The following GULP1 variants were observed in gnomAD, a reference collection of about 807,000 sequenced individuals.
GULP1 encodes GULP PTB domain containing engulfment adaptor 1.
GULP1 carries 19 observed loss-of-function variants against 40.9 expected under a neutral mutation model. The ratio of observed to expected loss-of-function variants is 0.46; its 90% CI spans 0.32 to 0.68. The LOEUF is 0.68. Among genes scored for constraint, GULP1 ranks in the 30% least tolerant of loss-of-function variants. GULP1 has a pLI of 0.03. For synonymous variants in GULP1, 119 were observed against 117.6 expected (o/e 1.01, Z -0.08); for missense variants, 312 against 362.2 (o/e 0.86, Z 1.12).
intron 7 of GULP1, among the ~76,000 whole-genome samples, chr2:188,553,782 G>A (rs1190022813): frequency 3.3e-5 from 5 of 151,942 alleles, no homozygotes; most frequent in Non-Finnish European, 4.4e-5. Context: ...ATCTAGTCCC[G>A]AGCTTTTCTT....
At chr2:188,446,894 C>T (rs542923699) in intron 2 of GULP1, among the ~76,000 whole-genome samples, 2 of 152,138 alleles carry the variant, frequency 1.3e-5, no homozygotes, top group East Asian at 1.9e-4. Context: ...GAGTCAAACT[C>T]TGTAAAATAT....
At chr2:188,486,808 T>C (rs1298525847) in intron 4 of GULP1, among the ~76,000 whole-genome samples, 1 of 151,920 alleles carries the variant, frequency 6.6e-6, no homozygotes, top group Non-Finnish European at 1.5e-5. Context: ...TCTTTTATAT[T>C]ATCCTGTGTA....
intron 1 of GULP1, among the ~76,000 whole-genome samples, chr2:188,380,845 C>T (rs1456172546): frequency 4.6e-5 from 7 of 152,024 alleles, no homozygotes; most frequent in Non-Finnish European, 4.4e-5. Context: ...TTAAGATTTA[C>T]CTGTTACATT....
intron 9 of GULP1, among the ~76,000 whole-genome samples, chr2:188,581,186 G>T (rs1031146968): frequency 6.6e-6 from 1 of 152,088 alleles, no homozygotes; most frequent in Non-Finnish European, 1.5e-5. Context: ...CACCTTATTC[G>T]AGGGTCTTGG....
intron 2 of GULP1, among the ~76,000 whole-genome samples, chr2:188,444,073 T>C (rs954937567): frequency 5.9e-5 from 9 of 152,284 alleles, no homozygotes; most frequent in East Asian, 1.9e-4. Context: ...ACAGTTTTAC[T>C]TGTATTACCT....
intron 2 of GULP1, among the ~76,000 whole-genome samples, chr2:188,438,911 A>G (rs1380469225): frequency 3.3e-5 from 5 of 152,064 alleles, no homozygotes; most frequent in African/African-American, 4.8e-5. Flanking sequence ...CTTCACTTAT[A>G]TACTATATAT....
chr2:188,404,812 C>T (rs1349567085), intron 2 of GULP1, among the ~76,000 whole-genome samples: 1 of 151,776 alleles, frequency 6.6e-6, no homozygotes, highest in Non-Finnish European at 1.5e-5. Context: ...GCAGGCCCAC[C>T]CTAGGTTCCA....
intron 1 of GULP1, among the ~76,000 whole-genome samples, chr2:188,379,984 A>G (rs2048807676): frequency 6.6e-6 from 1 of 152,196 alleles, no homozygotes; most frequent in African/African-American, 2.4e-5. Flanking sequence ...CATAGTCCTT[A>G]TCACACTGAT....
In GULP1 at chr2:188,563,160, C is replaced by G. The variant is rs114845327; in HGVS notation, c.400-6079C>G. Among the ~76,000 whole-genome samples, 1,157 of 152,014 alleles carry G rather than the reference C, an allele frequency of 7.6e-3. 20 individuals are homozygous for G. Among genetic ancestry groups the G allele is most frequent in the African/African-American group, 0.027 (1,111 of 41,512 alleles). ...AATTAAAGTGGAAGGTTAAGAAACA[C>G]TACAGTAGAATCAATGACATTGAAA... On this transcript the variant is annotated intron_variant, in intron 7 of 11. Coordinates refer to ENST00000409830, the MANE Select transcript of GULP1 (RefSeq NM_016315.4).
chr2:188,402,728 C>A (rs988344731), intron 2 of GULP1, among the ~76,000 whole-genome samples: 1 of 151,658 alleles, frequency 6.6e-6, no homozygotes, highest in African/African-American at 2.4e-5. Context: ...CCTTTTCTTT[C>A]CCCCTTCTAG....
chr2:188,466,296 C>CT (rs1005222230), intron 2 of GULP1, among the ~76,000 whole-genome samples: 4 of 151,224 alleles, frequency 2.6e-5, no homozygotes, highest in African/African-American at 9.8e-5. Context: ...TTTTTTTCCC[C>CT]CCCCGGAGTC....
chr2:188,580,507 C>T (rs1028723650), intron 9 of GULP1, among the ~76,000 whole-genome samples: 5 of 149,586 alleles, frequency 3.3e-5, no homozygotes, highest in African/African-American at 7.4e-5. Context: ...GAGCCGAGAT[C>T]CCGCCACTGC....
intron 2 of GULP1, among the ~76,000 whole-genome samples, chr2:188,433,082 A>G (rs2057052595): frequency 6.6e-6 from 1 of 152,152 alleles, no homozygotes; most frequent in Non-Finnish European, 1.5e-5. Flanking sequence ...AGAAACAGAT[A>G]ACTTAGCTTT....
intron 7 of GULP1, among the ~76,000 whole-genome samples, chr2:188,567,443 G>A (rs963776225): frequency 1.3e-5 from 2 of 152,146 alleles, no homozygotes; most frequent in Admixed American, 6.6e-5. Flanking sequence ...ATATCCCATG[G>A]AATACTCTGC....
chr2:188,552,472 G>A (rs1693722131), intron 7 of GULP1, among the ~76,000 whole-genome samples: 2 of 151,882 alleles, frequency 1.3e-5, no homozygotes, highest in South Asian at 4.1e-4. Flanking sequence ...CTGTAAATAA[G>A]TGGTTTTATT....
intron 2 of GULP1, among the ~76,000 whole-genome samples, chr2:188,458,081 G>A (rs917879102): frequency 2.0e-4 from 30 of 152,224 alleles, no homozygotes; most frequent in African/African-American, 7.2e-4. Context: ...AATTAGAAGA[G>A]AAATTCTACA....
chr2:188,543,751 A>G (rs1691174779), intron 7 of GULP1, among the ~76,000 whole-genome samples: 1 of 152,118 alleles, frequency 6.6e-6, no homozygotes, highest in African/African-American at 2.4e-5. Flanking sequence ...AAGACTCATA[A>G]TTCTTATTGC....
intron 1 of GULP1, among the ~76,000 whole-genome samples, chr2:188,304,358 C>A (rs2036677143): frequency 6.6e-6 from 1 of 152,056 alleles, no homozygotes; most frequent in African/African-American, 2.4e-5. Flanking sequence ...TGAGTTGACA[C>A]CAAAATGGAT....
At chr2:188,293,747 T>TC (rs765323706) in intron 1 of GULP1, 5 of 152,174 alleles carry the variant, frequency 3.3e-5, no homozygotes, top group Non-Finnish European at 7.3e-5. Flanking sequence ...CCTTGAGCTG[T>TC]CCAGGAGTGT....
Sources: allele counts gnomAD v4.1 joint callset (sites outside exome capture counted in the v4.1 genomes callset), GRCh38; gene constraint gnomAD v4.1.1; transcripts MANE v1.5; gene names NCBI Gene and HGNC (gene_info 2026-07-23, HGNC 2026-07-21).